The following FUBP1 variants were observed in gnomAD, a reference collection of about 807,000 sequenced individuals.
The protein encoded by FUBP1 is far upstream element-binding protein 1.
In FUBP1, 16 loss-of-function variants were observed where a neutral mutation model predicts 94.9. The ratio of observed to expected loss-of-function variants is 0.17; its 90% CI spans 0.11 to 0.26. The LOEUF (loss-of-function observed/expected upper bound fraction) is 0.26. Ranked by LOEUF, FUBP1 falls within the 10% of genes least tolerant of loss-of-function variation. FUBP1 has a pLI of 1.00. For synonymous variants in FUBP1, 279 were observed against 254.9 expected, an observed-to-expected ratio of 1.09 and a Z score of -0.90; for missense variants, 583 against 808.6, an observed-to-expected ratio of 0.72 and a Z score of 3.38.
chr1:77,953,307 T>C (rs574841270), intron 18 of FUBP1, among the ~76,000 whole-genome samples: 3 of 151,636 alleles, frequency 2.0e-5, no homozygotes, highest in African/African-American at 4.8e-5. Flanking sequence ...TTGGCCAACA[T>C]GATGAAAGCC....
chr1:77,947,455 T>C lies in FUBP1; in HGVS notation c.*1311A>G. The C allele has an allele frequency of 1.1e-6, 1 of 874,528 alleles. No individual in the cohort carries two copies. The highest frequency in any genetic ancestry group is 1.7e-6 in the Non-Finnish European group (1 of 590,710). 54.2% of individuals were successfully genotyped at this position (874,528 alleles called of 1,614,324 possible). A position where few individuals can be genotyped will look rare whatever the true frequency, so the allele number is the denominator to read the frequency against. On this transcript the variant is annotated 3_prime_UTR_variant, in exon 20 of 20. Coordinates refer to ENST00000370768, the MANE Select transcript of FUBP1 (RefSeq NM_003902.5). ...ATTTGTCATTCTGATGTACTTACAG[T>C]GCAATGCTCCTTGAAGGAACACAAT... is the stretch of plus-strand genomic sequence containing the variant.
chr1:77,969,959 A>C lies in FUBP1; in HGVS notation c.177T>G (p.Gly59=). 6.3e-7 allele frequency: 1 copy of C among 1,586,944 alleles called. No individual in the cohort carries two copies. The highest frequency in any genetic ancestry group is 8.6e-7 in the Non-Finnish European group (1 of 1,159,274). The stretch of plus-strand genomic sequence containing the variant: ...CTAAAGGTCTTTTTTGTCCCCCATA[A>C]CCATAGTCATTTGAATTCAGTGATG... ...AGTSLNSNDY[G]YGGQKRPLED... The change falls in exon 2 of 20, where the codon GGT becomes GGG. Residue 59 remains glycine (G), a synonymous_variant. Transcript: ENST00000370768.
Position 77,955,285 on chromosome 1 carries a change from T to A in FUBP1, c.1750A>T (p.Lys584Ter), listed in dbSNP as rs1221336318. 6.5e-7 allele frequency: 1 copy of A among 1,539,322 alleles called. No homozygotes were observed. Among genetic ancestry groups the A allele is most frequent in the Non-Finnish European group, 9.0e-7 (1 of 1,111,890 alleles). ...PAPAGQVDYTKAWEEYYKKMG... is the reference protein window; with the variant it reads ...PAPAGQVDYT The stretch of plus-strand genomic sequence containing the variant: ...TTCTTGTAGTACTCTTCCCAAGCCT[T>A]GGTATAATCAACCTGTCCAGCTGGG... Residue 584 changes from lysine to a stop codon, truncating the protein, a stop_gained, in exon 18 of 20, where the codon AAG becomes TAG. Coordinates refer to ENST00000370768, the MANE Select transcript of FUBP1 (RefSeq NM_003902.5). LOFTEE classifies it high-confidence loss of function.
Position 77,948,426 on chromosome 1 carries a change from T to C in FUBP1, c.*340A>G. On this transcript the variant is annotated 3_prime_UTR_variant, in exon 20 of 20. Coordinates refer to ENST00000370768, the MANE Select transcript of FUBP1 (RefSeq NM_003902.5). ...ACAGGAGGTTTCATATCATTTATTG[T>C]AAAGCACAAAACAGGCATTTTAAAA... 1 of 1,104,236 alleles carries C rather than the reference T, an allele frequency of 9.1e-7. No homozygotes were observed. Among genetic ancestry groups the C allele is most frequent in the South Asian group, 4.3e-5 (1 of 23,476 alleles). 68.4% of individuals were successfully genotyped at this position (1,104,236 alleles called of 1,614,324 possible). A position where few individuals can be genotyped will look rare whatever the true frequency, so the allele number is the denominator to read the frequency against.
At chr1:77,963,899 G>C (rs1285106923) in intron 12 of FUBP1, among the ~76,000 whole-genome samples, 163 bp downstream of exon 12, 1 of 152,148 alleles carries the variant, frequency 6.6e-6, no homozygotes, top group Non-Finnish European at 1.5e-5. Flanking sequence ...ACTTAAGGTA[G>C]TAGTTCTTCC....
At chr1:77,962,707 C>T (rs1016222377) in intron 14 of FUBP1, 63 bp downstream of exon 14, 15 of 999,122 alleles carry the variant, frequency 1.5e-5, no homozygotes, top group Non-Finnish European at 2.1e-5. Flanking sequence ...TTTGAATAAA[C>T]GTCTTAATTT....
At chr1:77,960,117 A>G (rs1441903139) in intron 16 of FUBP1, 67 bp downstream of exon 16, 3 of 1,156,072 alleles carry the variant, frequency 2.6e-6, no homozygotes, top group Admixed American at 2.0e-5. Context: ...TCAACACTAG[A>G]AAATTTAATA....
intron 7 of FUBP1, 97 bp downstream of exon 7, chr1:77,966,597 C>T: frequency 2.8e-6 from 2 of 715,196 alleles, no homozygotes; most frequent in East Asian, 2.5e-5. Flanking sequence ...GCAGCGAAAC[C>T]ACAGTGTAAA....
At chr1:77,963,066 G>C (rs746751767) in intron 13 of FUBP1, 136 bp from the exon 14 acceptor site, 3 of 525,438 alleles carry the variant, frequency 5.7e-6, no homozygotes, top group Non-Finnish European at 6.7e-6. Context: ...ATTGTATTAA[G>C]ATTTTTCATT....
At position 77,968,158 on chromosome 1, in the gene FUBP1, T is replaced by C. The variant is rs375111255; in HGVS notation, c.250+7A>G. On this transcript the variant is annotated splice_region_variant and intron_variant, in intron 3 of 19. Coordinates refer to ENST00000370768, the MANE Select transcript of FUBP1 (RefSeq NM_003902.5). Reference sequence around the variant, plus strand: ...AGCTTTTGACCCAGTTTAAAAGGAATACTTACAGTCATTTTGAGGAGCAAC... The same window carrying C: ...AGCTTTTGACCCAGTTTAAAAGGAACACTTACAGTCATTTTGAGGAGCAAC... The C allele has an allele frequency of 8.0e-6, 12 of 1,505,052 alleles. No homozygotes were observed. In the African/African-American group the frequency reaches 1.2e-4, roughly 15 times the overall value. The allele number at this position is 1,505,052 out of a possible 1,614,324, so 93.2% of individuals were successfully genotyped here.
chr1:77,970,096 C>T (rs1436179852), intron 1 of FUBP1, 81 bp from the exon 2 acceptor site: 17 of 596,110 alleles, frequency 2.9e-5, no homozygotes, highest in Non-Finnish European at 4.8e-5. Context: ...CTTCCTGATA[C>T]ATGTATATGT....
At chr1:77,969,768 T>C (rs1657173032) in intron 2 of FUBP1, among the ~76,000 whole-genome samples, 157 bp downstream of exon 2, 1 of 152,090 alleles carries the variant, frequency 6.6e-6, no homozygotes, top group Non-Finnish European at 1.5e-5. Flanking sequence ...TTACCTTGTC[T>C]AGTTTTCTTT....
intron 16 of FUBP1, among the ~76,000 whole-genome samples, chr1:77,958,495 T>A (rs1013443922): frequency 1.3e-5 from 2 of 152,222 alleles, no homozygotes; most frequent in Non-Finnish European, 2.9e-5. Flanking sequence ...TAAAACAGTA[T>A]GCTATTCTAA....
chr1:77,956,455 T>G (rs1329856866), intron 17 of FUBP1, 117 bp downstream of exon 17: 1 of 589,814 alleles, frequency 1.7e-6, no homozygotes, highest in African/African-American at 1.9e-5. Flanking sequence ...AAAGGAAAAG[T>G]CTGCTTAAAT....
chr1:77,968,676 T>A (rs1656977701), intron 2 of FUBP1, among the ~76,000 whole-genome samples: 2 of 149,916 alleles, frequency 1.3e-5, no homozygotes, highest in South Asian at 4.2e-4. Flanking sequence ...CCCCACAACA[T>A]TACAAGGCAA....
At chr1:77,975,980 G>A (rs1199198865) in intron 1 of FUBP1, among the ~76,000 whole-genome samples, 3 of 151,994 alleles carry the variant, frequency 2.0e-5, no homozygotes, top group Admixed American at 1.3e-4. Flanking sequence ...ATAATTACTT[G>A]TCCTGCTTTT....
At chr1:77,954,568 T>C (rs1228438186) in intron 18 of FUBP1, among the ~76,000 whole-genome samples, 1 of 152,206 alleles carries the variant, frequency 6.6e-6, no homozygotes, top group Non-Finnish European at 1.5e-5. Context: ...AAACATTCTT[T>C]GGCAAAGAAA....
chr1:77,977,492 C>T (rs1658877776), intron 1 of FUBP1, among the ~76,000 whole-genome samples: 2 of 152,230 alleles, frequency 1.3e-5, no homozygotes, highest in Non-Finnish European at 2.9e-5. Flanking sequence ...CACCACTGCA[C>T]TCCAGTCTGG....
At position 77,967,685 on chromosome 1, in the gene FUBP1, A is replaced by C. The variant is rs1656766465; in HGVS notation, c.251-19T>G. 1 of 1,433,710 alleles carries C rather than the reference A, an allele frequency of 7.0e-7. No individual in the cohort carries two copies. The highest frequency in any genetic ancestry group is 1.2e-5 in the South Asian group (1 of 80,582). The allele number at this position is 1,433,710 out of a possible 1,614,324, so 88.8% of individuals were successfully genotyped here. A position where few individuals can be genotyped will look rare whatever the true frequency, so the allele number is the denominator to read the frequency against. Reference sequence around the variant, plus strand: ...CCAAAAGCTATCAAAAAATTAAATAAAAATAAAACAAAAATTCAAAATTTA... The same window carrying C: ...CCAAAAGCTATCAAAAAATTAAATACAAATAAAACAAAAATTCAAAATTTA... On this transcript the variant is annotated intron_variant, in intron 3 of 19. Coordinates refer to ENST00000370768, the MANE Select transcript of FUBP1 (RefSeq NM_003902.5).
Sources: gnomAD v4.1 joint callset for allele counts (sites outside exome capture counted in the v4.1 genomes callset) on GRCh38, gnomAD v4.1.1 for gene constraint, MANE v1.5 for transcripts, NCBI Gene and HGNC (gene_info 2026-07-23, HGNC 2026-07-21) for gene names.